Variants in MAK observed in about 807,000 individuals in gnomAD.
MAK encodes the protein male germ cell associated kinase.
In MAK, 65 loss-of-function variants were observed where a neutral mutation model predicts 82.6. The ratio of observed to expected loss-of-function variants is 0.79; its 90% CI spans 0.64 to 0.97. The LOEUF is 0.97. Among genes scored for constraint, MAK ranks in the 50% least tolerant of loss-of-function variants. MAK has a pLI of 0.00. For synonymous variants in MAK, 250 were observed against 274.2 expected, an observed-to-expected ratio of 0.91 and a Z score of 0.87; for missense variants, 703 against 780.2, an observed-to-expected ratio of 0.90 and a Z score of 1.18.
At chr6:10,808,304 T>C (rs1776657281) in intron 6 of MAK, among the ~76,000 whole-genome samples, 1 of 152,214 alleles carries the variant, frequency 6.6e-6, no homozygotes, top group Non-Finnish European at 1.5e-5. Flanking sequence ...CATGCAGTCA[T>C]AGACCCTTCG....
chr6:10,780,408 T>TAG (rs1424257144), intron 11 of MAK: 19 of 158,170 alleles, frequency 1.2e-4, no homozygotes, highest in African/African-American at 4.4e-4. Flanking sequence ...CTTCTGTAAG[T>TAG]AAGAAGATAC....
chr6:10,835,904 C>T (rs915056761), intron 1 of MAK, among the ~76,000 whole-genome samples: 9 of 152,226 alleles, frequency 5.9e-5, no homozygotes, highest in African/African-American at 2.2e-4. Flanking sequence ...CCATCACCAC[C>T]GCCCTGGGGT....
intron 6 of MAK, among the ~76,000 whole-genome samples, chr6:10,805,423 T>C (rs943758141): frequency 6.6e-6 from 1 of 151,876 alleles, no homozygotes; most frequent in Non-Finnish European, 1.5e-5. Flanking sequence ...CCGTCTCTAC[T>C]AAAAATACAA....
In MAK at chr6:10,830,623, T is replaced by C; in HGVS notation, c.26A>G (p.Gln9Arg). The change falls in exon 2 of 15, where the codon CAG (glutamine) becomes CGG (arginine). Residue 9 changes from glutamine to arginine, a missense_variant. By Grantham distance (43) the Gln-to-Arg change is conservative (BLOSUM62 1). Coordinates refer to ENST00000354489, the MANE Select transcript of MAK (RefSeq NM_001242957.3). ...ACTCCCATACGTGCCGTCCCCCAAC[T>C]GTCTCATGGTTGTGTATCGGTTCAT... MNRYTTMR[Q>R]LGDGTYGSVL... 1 of 1,614,060 alleles carries C rather than the reference T, an allele frequency of 6.2e-7. No individual in the cohort carries two copies. The highest frequency in any genetic ancestry group is 8.5e-7 in the Non-Finnish European group (1 of 1,179,918).
intron 10 of MAK, chr6:10,784,981 A>G (rs1350925660): frequency 8.9e-6 from 4 of 448,494 alleles, no homozygotes; most frequent in Non-Finnish European, 1.8e-5. Flanking sequence ...TGGCCTAAAA[A>G]ACTGAAATGG....
At chr6:10,791,249 A>G (rs556271081) in intron 10 of MAK, among the ~76,000 whole-genome samples, 2 of 152,204 alleles carry the variant, frequency 1.3e-5, no homozygotes, top group South Asian at 4.1e-4. Flanking sequence ...GAAGGCACCA[A>G]TATTAAGCAA....
At chr6:10,827,240 C>G (rs1322870771) in intron 2 of MAK, among the ~76,000 whole-genome samples, 3 of 152,134 alleles carry the variant, frequency 2.0e-5, no homozygotes, top group Non-Finnish European at 4.4e-5. Flanking sequence ...GGACTGTACC[C>G]AAGACCCAAC....
chr6:10,827,590 G>T (rs899777728), intron 2 of MAK: 2 of 152,098 alleles, frequency 1.3e-5, no homozygotes, highest in African/African-American at 2.4e-5. Context: ...AATTATATAG[G>T]TTTTCGTACT....
In MAK at chr6:10,800,174, G is replaced by A. The variant is rs1434444471; in HGVS notation, c.831+1718C>T. ...CCAGCAACTCGGGAGGCTGAGGCAG[G>A]AGAATCGCCTGAACCCAGGAGGCGG... is the stretch of plus-strand genomic sequence containing the variant. On this transcript the variant is annotated intron_variant, in intron 8 of 14. Transcript: ENST00000354489. The surrounding 1 kb of genome is among the most constrained non-coding windows in gnomAD (Gnocchi z 4.2). 6.6e-6 allele frequency among the ~76,000 whole-genome samples: 1 copy of A among 151,708 alleles called. No homozygotes were observed. Among genetic ancestry groups the A allele is most frequent in the African/African-American group, 2.4e-5 (1 of 41,298 alleles).
chr6:10,802,328 C>T (rs1307445196), intron 7 of MAK: 1 of 383,340 alleles, frequency 2.6e-6, no homozygotes, highest in African/African-American at 2.1e-5. Context: ...TTTTTTGAGA[C>T]AGGATCTGGC....
chr6:10,813,132 ATAAATTTTTTTTTTT>A (rs1777170076), intron 5 of MAK, among the ~76,000 whole-genome samples: 1 of 762 alleles, frequency 1.3e-3, no homozygotes, highest in Non-Finnish European at 2.7e-3. Context: ...ATATATATAT[ATAAATTTTTTTTTTT>A]TTTTTTTTTT....
chr6:10,802,762 A>G (rs535319290), intron 7 of MAK, among the ~76,000 whole-genome samples: 1 of 152,324 alleles, frequency 6.6e-6, no homozygotes, highest in Admixed American at 6.5e-5. Context: ...CATTGCATAC[A>G]ATGTTAAAAA....
At chr6:10,768,415 TAA>T (rs1036247247) in intron 14 of MAK, among the ~76,000 whole-genome samples, 3 of 151,962 alleles carry the variant, frequency 2.0e-5, no homozygotes, top group Non-Finnish European at 4.4e-5. Flanking sequence ...GCGTCTCTAC[TAA>T]AAATACAAAA....
intron 14 of MAK, 93 bp downstream of exon 14, chr6:10,770,018 T>G: frequency 6.2e-7 from 1 of 1,608,354 alleles, no homozygotes; most frequent in Admixed American, 1.7e-5. Context: ...TGACTAAAAG[T>G]CTTCGCTTGG....
At chr6:10,798,784 C>T (rs1049623912) in intron 8 of MAK, among the ~76,000 whole-genome samples, 2 of 151,136 alleles carry the variant, frequency 1.3e-5, no homozygotes, top group African/African-American at 4.9e-5. Context: ...ATGCACATAA[C>T]CTAAGTTTAG....
At position 10,776,721 on chromosome 6, in the gene MAK, A is replaced by C. The variant is rs190324421; in HGVS notation, c.1466-1262T>G. ...TATCAGTTCTCTAAGGAAACACTTC[A>C]TCAGGCAAGTAATTTCCCTTTCTTT... On this transcript the variant is annotated intron_variant, in intron 11 of 14. Coordinates refer to ENST00000354489, the MANE Select transcript of MAK (RefSeq NM_001242957.3). This position sits in a 1 kb window ranked among gnomAD's most constrained non-coding sequence, Gnocchi z 4.3. Among the ~76,000 whole-genome samples the C allele has an allele frequency of 5.0e-3, 762 of 152,356 alleles. 7 individuals are homozygous for C. The highest frequency in any genetic ancestry group is 0.018 in the African/African-American group (731 of 41,578).
chr6:10,786,296 A>G (rs888608068), intron 10 of MAK, among the ~76,000 whole-genome samples: 1 of 152,152 alleles, frequency 6.6e-6, no homozygotes. Flanking sequence ...AAAGGTATAC[A>G]TGTTAGTATT....
intron 3 of MAK, 119 bp from the exon 4 acceptor site, chr6:10,818,090 A>T (rs1777631454): frequency 1.9e-6 from 1 of 536,614 alleles, no homozygotes; most frequent in Admixed American, 3.3e-5. Context: ...TCCTGGGTTC[A>T]TTAATTAATT....
At chr6:10,772,634 C>T (rs886867895) in intron 13 of MAK, among the ~76,000 whole-genome samples, 8 of 151,860 alleles carry the variant, frequency 5.3e-5, no homozygotes, top group African/African-American at 9.7e-5. Flanking sequence ...TGAGCCACCG[C>T]GCCCAGCCTA....
Sources: gnomAD v4.1 joint callset for allele counts (sites outside exome capture counted in the v4.1 genomes callset) on GRCh38, gnomAD v4.1.1 for gene constraint, Gnocchi (gnomAD v3.1) non-coding constraint, MANE v1.5 for transcripts, NCBI Gene and HGNC (gene_info 2026-07-23, HGNC 2026-07-21) for gene names.